The following PIK3C2G variants were observed in gnomAD, a reference collection of about 807,000 sequenced individuals.
The protein encoded by PIK3C2G is phosphatidylinositol-4-phosphate 3-kinase catalytic subunit type 2 gamma.
A neutral mutation model predicts 181.1 loss-of-function variants in PIK3C2G; 168 were observed. The ratio of observed to expected loss-of-function variants is 0.93; its 90% confidence interval spans 0.82 to 1.05. The LOEUF (loss-of-function observed/expected upper bound fraction) is 1.05. Ranked by LOEUF, PIK3C2G falls within the 50% of genes least tolerant of loss-of-function variation. PIK3C2G has a pLI of 0.00. For synonymous variants in PIK3C2G, 573 were observed against 592.2 expected, an observed-to-expected ratio of 0.97 and a Z score of 0.47; for missense variants, 1,869 against 1,732.8, an observed-to-expected ratio of 1.08 and a Z score of -1.40.
chr12:18,699,810 T>A, the PIK3C2G span: 2 of 1,613,544 alleles, frequency 1.2e-6, no homozygotes, highest in South Asian at 2.2e-5. Context: ...ATTTTGAAAG[T>A]TTTCGGGCTT....
chr12:18,564,467 C>T (rs1470207964), intron 28 of PIK3C2G, among the ~76,000 whole-genome samples: 1 of 149,960 alleles, frequency 6.7e-6, no homozygotes. Context: ...ATTTAGTCAC[C>T]TTCCAAAATA....
chr12:18,571,761 T>C (rs372353377), intron 29 of PIK3C2G, among the ~76,000 whole-genome samples: 1 of 150,862 alleles, frequency 6.6e-6, no homozygotes, highest in Non-Finnish European at 1.5e-5. Flanking sequence ...ATCACTCTTA[T>C]AAGCAACACA....
chr12:18,309,139 A>C (rs1325749959), intron 5 of PIK3C2G, among the ~76,000 whole-genome samples: 1 of 151,786 alleles, frequency 6.6e-6, no homozygotes, highest in Non-Finnish European at 1.5e-5. Context: ...GAATATAAAA[A>C]AAAATCAATA....
chr12:18,567,997 T>C (rs1239784454), intron 29 of PIK3C2G, among the ~76,000 whole-genome samples: 1 of 152,174 alleles, frequency 6.6e-6, no homozygotes, highest in Admixed American at 6.5e-5. Context: ...GACCTCTGAG[T>C]GTGTCATCAC....
intron 29 of PIK3C2G, among the ~76,000 whole-genome samples, chr12:18,581,053 A>G (rs978562627): frequency 1.3e-5 from 2 of 152,240 alleles, no homozygotes; most frequent in African/African-American, 4.8e-5. Context: ...TAACAAGAAT[A>G]TGTTCAGATG....
chr12:18,300,013 T>C (rs1950109588), intron 5 of PIK3C2G, among the ~76,000 whole-genome samples: 1 of 152,016 alleles, frequency 6.6e-6, no homozygotes, highest in South Asian at 2.1e-4. Context: ...TGGCTTTGTC[T>C]GGTTTTAGTA....
chr12:18,610,924 T>G (rs1948299555), intron 31 of PIK3C2G, among the ~76,000 whole-genome samples: 1 of 152,070 alleles, frequency 6.6e-6, no homozygotes, highest in African/African-American at 2.4e-5. Context: ...GCTCAAAACA[T>G]TTTAGAGCAC....
At chr12:18,251,003 G>T (rs1468026534) in intron 1 of PIK3C2G, among the ~76,000 whole-genome samples, 3 of 151,930 alleles carry the variant, frequency 2.0e-5, no homozygotes, top group African/African-American at 7.2e-5. Context: ...GATTTAATAA[G>T]TGTATGGGGA....
At chr12:18,440,213 G>GTAAGAGTTA (rs1946666397) in intron 18 of PIK3C2G, among the ~76,000 whole-genome samples, 1 of 151,960 alleles carries the variant, frequency 6.6e-6, no homozygotes, top group African/African-American at 2.4e-5. Context: ...GCTTATATCT[G>GTAAGAGTTA]TAAGAGTTAT....
At chr12:18,523,225 A>G (rs924698747) in intron 24 of PIK3C2G, among the ~76,000 whole-genome samples, 4 of 152,158 alleles carry the variant, frequency 2.6e-5, no homozygotes, top group African/African-American at 9.7e-5. Flanking sequence ...CAGACATTTC[A>G]TAGTACTCCA....
At chr12:18,510,639 G>T (rs1431741429) in intron 24 of PIK3C2G, among the ~76,000 whole-genome samples, 1 of 152,088 alleles carries the variant, frequency 6.6e-6, no homozygotes, top group African/African-American at 2.4e-5. Context: ...TAATTTTAAA[G>T]GGCAATATGA....
intron 16 of PIK3C2G, among the ~76,000 whole-genome samples, chr12:18,407,846 C>T (rs762051845): frequency 2.0e-5 from 3 of 152,070 alleles, no homozygotes; most frequent in East Asian, 3.9e-4. Flanking sequence ...AGGAACTGCA[C>T]ATAGGAAACT....
chr12:18,544,131 C>T (rs1345688198), intron 25 of PIK3C2G, among the ~76,000 whole-genome samples: 1 of 151,728 alleles, frequency 6.6e-6, no homozygotes, highest in Admixed American at 6.6e-5. Flanking sequence ...AGAGAAAAGG[C>T]AATTCCAGCT....
At chr12:18,594,602 G>A in intron 30 of PIK3C2G, 33 bp downstream of exon 30, 2 of 1,074,458 alleles carry the variant, frequency 1.9e-6, no homozygotes, top group Admixed American at 2.9e-5. Flanking sequence ...TACGTACAGT[G>A]ATTTTCAAAA....
the PIK3C2G span, among the ~76,000 whole-genome samples, chr12:18,725,631 T>A: frequency 6.6e-6 from 1 of 152,148 alleles, no homozygotes; most frequent in African/African-American, 2.4e-5. Context: ...CTGTATTGTG[T>A]AGCATCCAAG....
chr12:18,711,042 C>A, the PIK3C2G span, among the ~76,000 whole-genome samples: 1 of 151,846 alleles, frequency 6.6e-6, no homozygotes, highest in Admixed American at 6.6e-5. Flanking sequence ...AGGTATATAC[C>A]CAAAGGACTA....
chr12:18,667,043 C>T, the PIK3C2G span, among the ~76,000 whole-genome samples: 1 of 152,110 alleles, frequency 6.6e-6, no homozygotes, highest in African/African-American at 2.4e-5. Flanking sequence ...TATCACCAGA[C>T]AGAGTGCATC....
intron 31 of PIK3C2G, among the ~76,000 whole-genome samples, chr12:18,621,089 C>T (rs1277691900): frequency 1.3e-5 from 2 of 151,430 alleles, no homozygotes; most frequent in Non-Finnish European, 3.0e-5. Flanking sequence ...TCTCAATAAC[C>T]ACTAACAATG....
the PIK3C2G span, among the ~76,000 whole-genome samples, chr12:18,664,768 C>A: frequency 6.6e-6 from 1 of 151,330 alleles, no homozygotes; most frequent in Non-Finnish European, 1.5e-5. Context: ...AAATGTCCAA[C>A]AATGATAGAC....
Sources: gnomAD v4.1 joint callset for allele counts (sites outside exome capture counted in the v4.1 genomes callset) on GRCh38, gnomAD v4.1.1 for gene constraint, MANE v1.5 for transcripts, NCBI Gene and HGNC (gene_info 2026-07-23, HGNC 2026-07-21) for gene names.